Variants in CDC5L observed in about 807,000 individuals in gnomAD.
The protein encoded by CDC5L is cell division cycle 5-like protein.
In CDC5L, 18 loss-of-function variants were observed where a neutral mutation model predicts 104.1. The observed-to-expected ratio is 0.17, with a 90% confidence interval of 0.12 to 0.26. CDC5L has a LOEUF of 0.26. CDC5L is among the 10% of genes least tolerant of loss of function. CDC5L has a pLI of 1.00. For synonymous variants in CDC5L, 331 were observed against 322.7 expected (o/e 1.03, Z -0.28); for missense variants, 673 against 956.9 (o/e 0.70, Z 3.91).
chr6:44,448,751 C>T lies in CDC5L; in HGVS notation c.*2040C>T, dbSNP rs1010555336. The T allele has an allele frequency of 3.3e-5, 5 of 152,080 alleles. No individual in the cohort carries two copies. The highest frequency in any genetic ancestry group is 6.6e-5 in the Admixed American group (1 of 15,266). The allele number at this position is 152,080 out of a possible 1,614,324, so 9.4% of individuals were successfully genotyped here. A position where few individuals can be genotyped will look rare whatever the true frequency, so the allele number is the denominator to read the frequency against. On this transcript the variant is annotated 3_prime_UTR_variant, in exon 16 of 16. Transcript: ENST00000371477. ...GTTTTGTTATCTGAAATGTTTAGGA[C>T]AATGTTAACAATAATGATGTTAGAC...
intron 4 of CDC5L, among the ~76,000 whole-genome samples, chr6:44,394,383 C>G (rs930347633): frequency 6.6e-6 from 1 of 152,164 alleles, no homozygotes; most frequent in Non-Finnish European, 1.5e-5. Flanking sequence ...GAATATTGGA[C>G]CTCAGTCCTC....
chr6:44,413,217 A>G (rs953798558), intron 8 of CDC5L, among the ~76,000 whole-genome samples: 3 of 152,228 alleles, frequency 2.0e-5, no homozygotes, highest in Non-Finnish European at 2.9e-5. Flanking sequence ...CCTATTCTGC[A>G]CATATATGTA....
At chr6:44,406,534 G>A in intron 7 of CDC5L, 67 bp downstream of exon 7, 3 of 1,380,612 alleles carry the variant, frequency 2.2e-6, no homozygotes, top group South Asian at 1.3e-5. Context: ...TTCAGCAAAT[G>A]TTTGAAGGCC....
intron 8 of CDC5L, among the ~76,000 whole-genome samples, chr6:44,418,934 C>T (rs371870531): frequency 0.012 from 1,787 of 146,048 alleles, 18 homozygotes; most frequent in Middle Eastern, 0.058. Flanking sequence ...AAAATTTTCT[C>T]CCATTTTGTA....
chr6:44,414,377 CTGGCCTGTGTGTG>C (rs1791807725), intron 8 of CDC5L, among the ~76,000 whole-genome samples: 1 of 139,600 alleles, frequency 7.2e-6, no homozygotes, highest in Non-Finnish European at 1.5e-5. Context: ...TGTGCCTGGC[CTGGCCTGTGTGTG>C]TGTGTGTGTG....
intron 3 of CDC5L, 30 bp from the exon 4 acceptor site, chr6:44,393,414 AGT>A: frequency 1.2e-6 from 2 of 1,604,398 alleles, no homozygotes; most frequent in South Asian, 2.2e-5. Flanking sequence ...ATGGTACTGT[AGT>A]GTGACTAACT....
rs1385473918 is a variant in CDC5L, at chr6:44,419,558, T to A, written c.1202T>A (p.Val401Asp). The A allele has an allele frequency of 6.2e-7, 1 of 1,613,806 alleles. No individual in the cohort carries two copies. Among genetic ancestry groups the A allele is most frequent in the Non-Finnish European group, 8.5e-7 (1 of 1,179,648 alleles). The change falls in exon 9 of 16, where the codon GTT (valine) becomes GAT (aspartate). Residue 401 changes from valine to aspartate, a missense_variant. Coordinates refer to ENST00000371477, the MANE Select transcript of CDC5L (RefSeq NM_001253.4). ...TCAGGTGTAACTCCACAGCGACAAG[T>A]TGTACAGACTCCAAACACAGTTCTC... ...DFSGVTPQRQ[V>D]VQTPNTVLST...
intron 14 of CDC5L, among the ~76,000 whole-genome samples, chr6:44,433,593 T>G (rs1357870722): frequency 1.3e-5 from 2 of 152,180 alleles, no homozygotes; most frequent in Non-Finnish European, 2.9e-5. Flanking sequence ...AAGGCTTTCC[T>G]TAGAGATAGA....
chr6:44,405,087 A>G (rs1791305668), intron 6 of CDC5L, among the ~76,000 whole-genome samples: 1 of 152,206 alleles, frequency 6.6e-6, no homozygotes, highest in Non-Finnish European at 1.5e-5. Context: ...GATGGGATAA[A>G]TATACATTTA....
At chr6:44,437,065 C>G (rs1473177997) in intron 14 of CDC5L, among the ~76,000 whole-genome samples, 1 of 152,170 alleles carries the variant, frequency 6.6e-6, no homozygotes, top group Non-Finnish European at 1.5e-5. Flanking sequence ...ATTTAGAAAT[C>G]TGACTGGTTA....
chr6:44,394,252 C>T (rs1790749044), intron 4 of CDC5L, among the ~76,000 whole-genome samples: 2 of 152,020 alleles, frequency 1.3e-5, no homozygotes, highest in South Asian at 4.2e-4. Flanking sequence ...GGCAGCATAA[C>T]GAGACCCTGT....
chr6:44,394,415 A>G (rs1443912783), intron 4 of CDC5L, among the ~76,000 whole-genome samples: 1 of 152,202 alleles, frequency 6.6e-6, no homozygotes, highest in Non-Finnish European at 1.5e-5. Flanking sequence ...TTATTTGACT[A>G]TAGGCAAGTT....
Position 44,447,342 on chromosome 6 carries a change from T to G in CDC5L, c.*631T>G, listed in dbSNP as rs1306548695. On this transcript the variant is annotated 3_prime_UTR_variant, in exon 16 of 16. Transcript: ENST00000371477. ...CTTAAATAATTTATGGGTCAGGGCT[T>G]AAAAGATTTAACTTCCTTGCCCCAT... The G allele has an allele frequency of 6.6e-6, 1 of 152,188 alleles. No homozygotes were observed. Among genetic ancestry groups the G allele is most frequent in the Non-Finnish European group, 1.5e-5 (1 of 68,030 alleles). 9.4% of individuals were successfully genotyped at this position (152,188 alleles called of 1,614,324 possible).
chr6:44,409,805 G>GAGAGTCCCTT (rs1791547245), intron 8 of CDC5L, among the ~76,000 whole-genome samples: 1 of 152,136 alleles, frequency 6.6e-6, no homozygotes, highest in African/African-American at 2.4e-5. Flanking sequence ...TGTCACCCTA[G>GAGAGTCCCTT]AGAGTCCCTT....
intron 6 of CDC5L, 97 bp downstream of exon 6, chr6:44,404,124 T>C (rs1791255535): frequency 4.1e-6 from 3 of 729,830 alleles, no homozygotes; most frequent in Non-Finnish European, 6.2e-6. Context: ...ATTTTTATTA[T>C]TTATTTATTT....
chr6:44,392,853 T>G (rs1790680482), intron 3 of CDC5L, 25 bp downstream of exon 3: 1 of 1,600,876 alleles, frequency 6.2e-7, no homozygotes, highest in Non-Finnish European at 8.6e-7. Flanking sequence ...AGAAAGAGCA[T>G]AGAATATATG....
intron 14 of CDC5L, among the ~76,000 whole-genome samples, chr6:44,439,148 A>G (rs893581090): frequency 2.0e-5 from 3 of 152,142 alleles, no homozygotes; most frequent in African/African-American, 7.2e-5. Context: ...ACTTAACATA[A>G]TGTTTTCAAA....
intron 14 of CDC5L, among the ~76,000 whole-genome samples, chr6:44,443,308 T>TGGCAAAAC (rs1793298581): frequency 2.0e-5 from 3 of 152,088 alleles, no homozygotes; most frequent in African/African-American, 7.2e-5. Flanking sequence ...TTTTGACATT[T>TGGCAAAAC]TAATTGTGAT....
At chr6:44,400,455 T>G (rs1791069266) in intron 5 of CDC5L, among the ~76,000 whole-genome samples, 1 of 152,248 alleles carries the variant, frequency 6.6e-6, no homozygotes, top group Non-Finnish European at 1.5e-5. Flanking sequence ...TGGCATGATC[T>G]CGGCTCACTG....
Sources: allele counts gnomAD v4.1 joint callset (sites outside exome capture counted in the v4.1 genomes callset), GRCh38; gene constraint gnomAD v4.1.1; transcripts MANE v1.5; gene names NCBI Gene and HGNC (gene_info 2026-07-23, HGNC 2026-07-21).